KANSL1: variants seen among roughly 807,000 people sequenced by gnomAD.
The protein encoded by KANSL1 is MLL1/MLL complex subunit KANSL1.
Under a neutral mutation model 103.6 loss-of-function variants are expected in KANSL1, and 22 were observed. That is an observed-to-expected ratio of 0.21 (90% CI 0.15 to 0.30). The LOEUF is 0.30. Among genes scored for constraint, KANSL1 ranks in the 10% least tolerant of loss-of-function variants. The pLI is 1.00. For synonymous variants in KANSL1, 600 were observed against 527.6 expected (o/e 1.14, Z -1.88); for missense variants, 1,337 against 1,399.8 (o/e 0.96, Z 0.72).
intron 12 of KANSL1, 75 bp from the exon 13 acceptor site, chr17:46,033,267 T>C (rs1169247382): frequency 4.1e-6 from 6 of 1,447,548 alleles, no homozygotes; most frequent in East Asian, 2.4e-5. Flanking sequence ...TTCTAGGTTC[T>C]TCCCGGTCAC....
intron 2 of KANSL1, among the ~76,000 whole-genome samples, chr17:46,123,338 C>T (rs2043369453): frequency 6.6e-6 from 1 of 152,116 alleles, no homozygotes; most frequent in South Asian, 2.1e-4. Flanking sequence ...GATCGTGCCA[C>T]CACACTCCAG....
chr17:46,036,986 A>T (rs2077170301), intron 10 of KANSL1, among the ~76,000 whole-genome samples: 1 of 152,174 alleles, frequency 6.6e-6, no homozygotes, highest in South Asian at 2.1e-4. Context: ...AAGTGCTGGG[A>T]TTATAGGTGA....
intron 2 of KANSL1, among the ~76,000 whole-genome samples, chr17:46,166,455 T>C (rs1476611268): frequency 6.6e-6 from 1 of 151,078 alleles, no homozygotes; most frequent in Non-Finnish European, 1.5e-5. Flanking sequence ...GAGGTTGCAG[T>C]GAGCCAAGAT....
rs1186830986 is a variant in KANSL1 at position 46,167,027 on chromosome 17, T to A, written c.1289+3828A>T. 5.5e-5 allele frequency among the ~76,000 whole-genome samples: 8 copies of A among 146,076 alleles called. No homozygotes were observed. In the South Asian group the frequency reaches 6.4e-4, roughly 12 times the overall value. On this transcript the variant is annotated intron_variant, in intron 2 of 14. Coordinates refer to ENST00000432791, the MANE Select transcript of KANSL1 (RefSeq NM_015443.4). ...TGGGAGAAAAAAAAGAAAAAAAAAA[T>A]TTCGGGGACAGAGAGAAAAAAAGAA... is the stretch of plus-strand genomic sequence containing the variant.
intron 1 of KANSL1, among the ~76,000 whole-genome samples, chr17:46,217,522 G>A (rs1388214264): frequency 6.6e-6 from 1 of 151,814 alleles, no homozygotes; most frequent in South Asian, 2.1e-4. Context: ...GTTAAAATGA[G>A]GTCATCAGAG....
At chr17:46,109,030 C>T (rs115708645) in intron 2 of KANSL1, among the ~76,000 whole-genome samples, 1,574 of 152,294 alleles carry the variant, frequency 0.01, 25 homozygotes, top group African/African-American at 0.034. Context: ...CTCACTATAG[C>T]CTCAATCACC....
intron 6 of KANSL1, among the ~76,000 whole-genome samples, chr17:46,056,255 T>TCC (rs2146541795): frequency 6.6e-6 from 1 of 152,172 alleles, no homozygotes; most frequent in African/African-American, 2.4e-5. Flanking sequence ...CACCTTGGCC[T>TCC]CCCAAAGTGC....
intron 7 of KANSL1, chr17:46,041,091 A>G (rs1158017679): frequency 6.6e-6 from 1 of 152,206 alleles, no homozygotes; most frequent in Non-Finnish European, 1.5e-5. Context: ...GTACCTTTTA[A>G]AATTTCAACT....
At chr17:46,195,602 G>A (rs1335226080), upstream of KANSL1, among the ~76,000 whole-genome samples, 1 of 152,204 alleles carries the variant, frequency 6.6e-6, no homozygotes, top group Non-Finnish European at 1.5e-5. Flanking sequence ...CTGCTCGGTT[G>A]CCCAGGCTAG....
intron 2 of KANSL1, among the ~76,000 whole-genome samples, chr17:46,108,537 T>C (rs1347242332): frequency 6.6e-6 from 1 of 152,256 alleles, no homozygotes; most frequent in Non-Finnish European, 1.5e-5. Flanking sequence ...TTACTGTCTG[T>C]TTCCCCCACT....
At chr17:46,140,922 G>C (rs1296463115) in intron 2 of KANSL1, among the ~76,000 whole-genome samples, 1 of 152,150 alleles carries the variant, frequency 6.6e-6, no homozygotes, top group Non-Finnish European at 1.5e-5. Flanking sequence ...TATCGCTCAT[G>C]GTAATACAAA....
chr17:46,191,411 G>A (rs1478469531), intron 1 of KANSL1, among the ~76,000 whole-genome samples: 1 of 152,228 alleles, frequency 6.6e-6, no homozygotes, highest in Admixed American at 6.5e-5. Context: ...AGAGCCTATA[G>A]GAAAGGGGAA....
chr17:46,111,303 C>T (rs1166690364), intron 2 of KANSL1, among the ~76,000 whole-genome samples: 1 of 147,344 alleles, frequency 6.8e-6, no homozygotes, highest in Non-Finnish European at 1.5e-5. Flanking sequence ...CTCCGCCTCC[C>T]GGGCAAGCCA....
chr17:46,181,679 G>T (rs142390081), intron 1 of KANSL1, among the ~76,000 whole-genome samples: 3 of 152,136 alleles, frequency 2.0e-5, no homozygotes, highest in Non-Finnish European at 2.9e-5. Flanking sequence ...TGATCGACCC[G>T]CCTCGGCCTC....
rs116342983 is a variant in KANSL1, at chr17:46,111,638, C to G, written c.1290-16937G>C. On this transcript the variant is annotated intron_variant, in intron 2 of 14. Coordinates refer to ENST00000432791, the MANE Select transcript of KANSL1 (RefSeq NM_015443.4). Reference sequence around the variant, plus strand: ...AAAGAGATCAGCAGACCACAAAATACAACATATACATCCAAGTATACATGG... The same window carrying G: ...AAAGAGATCAGCAGACCACAAAATAGAACATATACATCCAAGTATACATGG... 6.7e-3 allele frequency among the ~76,000 whole-genome samples: 1,020 copies of G among 152,300 alleles called. 9 individuals carry two copies. Among genetic ancestry groups the G allele is most frequent in the African/African-American group, 0.023 (971 of 41,558 alleles).
rs368394693 is a variant in KANSL1 at position 46,170,978 on chromosome 17, G to A, written c.1166C>T (p.Ala389Val). 2 of 1,614,020 alleles carry A rather than the reference G, an allele frequency of 1.2e-6. No individual in the cohort carries two copies. Among genetic ancestry groups the A allele is most frequent in the Non-Finnish European group, 8.5e-7 (1 of 1,180,058 alleles). Residue 389 changes from alanine (A) to valine (V), a missense_variant, in exon 2 of 15, where the codon GCC becomes GTC. Coordinates refer to ENST00000432791, the MANE Select transcript of KANSL1 (RefSeq NM_015443.4). ...ELERFTASGI[A>V]NLRCSEQAFD... ...TGCCTGTTCACTGCACCTCAAGTTG[G>A]CTATGCCACTAGCTGTAAATCTCTC...
chr17:46,135,220 T>C (rs750644218), intron 2 of KANSL1, among the ~76,000 whole-genome samples: 4 of 151,950 alleles, frequency 2.6e-5, no homozygotes, highest in South Asian at 2.1e-4. Flanking sequence ...AAATAATATG[T>C]TGTACAGAAT....
At chr17:46,103,174 T>C (rs1240176431) in intron 2 of KANSL1, among the ~76,000 whole-genome samples, 34 of 152,250 alleles carry the variant, frequency 2.2e-4, no homozygotes, top group Admixed American at 2.2e-3. Flanking sequence ...ATGTTAATCT[T>C]ATAAAACAAT....
chr17:46,120,103 A>G (rs551409197), intron 2 of KANSL1: 27 of 152,418 alleles, frequency 1.8e-4, no homozygotes, highest in African/African-American at 6.0e-4. Context: ...ACAATGTTCA[A>G]TCTGAAAGTA....
Sources: allele counts gnomAD v4.1 joint callset (sites outside exome capture counted in the v4.1 genomes callset), GRCh38; gene constraint gnomAD v4.1.1; transcripts MANE v1.5; gene names NCBI Gene and HGNC (gene_info 2026-07-23, HGNC 2026-07-21).